The following ZC2HC1B variants were observed in gnomAD, a reference collection of about 807,000 sequenced individuals.
ZC2HC1B encodes the protein zinc finger C2HC-type containing 1B, also known as zinc finger C2HC domain-containing protein 1B.
Under a neutral mutation model 31.0 loss-of-function variants are expected in ZC2HC1B, and 36 were observed. The ratio of observed to expected loss-of-function variants is 1.16; its 90% CI spans 0.89 to 1.54. The LOEUF (loss-of-function observed/expected upper bound fraction) is 1.54, where lower values mean the gene tolerates loss of function less well. Ranked by LOEUF, ZC2HC1B falls within the 40% of genes most tolerant of loss-of-function variation. The pLI is 0.00. For synonymous variants in ZC2HC1B, 73 were observed against 88.0 expected (o/e 0.83, Z 0.95); for missense variants, 260 against 268.6 (o/e 0.97, Z 0.22).
rs528102297 is a variant in ZC2HC1B at position 143,870,914 on chromosome 6, G to T, written c.28+6347G>T. On this transcript the variant is annotated intron_variant, in intron 1 of 7. Coordinates refer to ENST00000237275, the MANE Select transcript of ZC2HC1B (RefSeq NM_001013623.3). This position sits in a 1 kb window ranked among gnomAD's most constrained non-coding sequence, Gnocchi z 4.7. ...TGGACCTGTTGTAGAGCCTTCTCCT[G>T]TTCTGGACCCCACTCAAAACTGGCA... 1.3e-5 allele frequency among the ~76,000 whole-genome samples: 2 copies of T among 152,146 alleles called. No homozygotes were observed. The highest frequency in any genetic ancestry group is 6.5e-5 in the Admixed American group (1 of 15,268).
At chr6:143,937,765 G>T (rs1288219758) in intron 7 of ZC2HC1B, 32 bp downstream of exon 7, 1 of 1,480,528 alleles carries the variant, frequency 6.8e-7, no homozygotes, top group South Asian at 1.3e-5. Flanking sequence ...TAATCCAGCT[G>T]TTGCTGACCA....
chr6:143,919,223 G>A (rs959360796), intron 6 of ZC2HC1B, among the ~76,000 whole-genome samples: 1 of 106,554 alleles, frequency 9.4e-6, no homozygotes, highest in Admixed American at 9.5e-5. Flanking sequence ...TTCTCTGTGT[G>A]TGTGTGTGTG....
chr6:143,921,865 T>A lies in ZC2HC1B; in HGVS notation c.599-15784T>A, dbSNP rs1777988493. 2.6e-5 allele frequency among the ~76,000 whole-genome samples: 4 copies of A among 152,182 alleles called. No homozygotes were observed. The highest frequency in any genetic ancestry group is 1.3e-4 in the Admixed American group (2 of 15,268). ...GAGGATTGCTTGAGTCCAGTACAAG[T>A]GTTCAAGGCTGCAATGAGCTATGAT... On this transcript the variant is annotated intron_variant, in intron 6 of 7. Transcript: ENST00000237275. This position sits in a 1 kb window ranked among gnomAD's most constrained non-coding sequence, Gnocchi z 6.1.
At chr6:143,928,514 A>G (rs1415321991) in intron 6 of ZC2HC1B, among the ~76,000 whole-genome samples, 1 of 151,990 alleles carries the variant, frequency 6.6e-6, no homozygotes, top group African/African-American at 2.4e-5. Flanking sequence ...ATTACTATAG[A>G]CTTATAGTAT....
chr6:143,913,978 G>A lies in ZC2HC1B; in HGVS notation c.598+10826G>A, dbSNP rs893668260. ...CTGTGGACCACAGCTGCTTCTAATC[G>A]GCCATCTTGGCCCCTCTCCCAATGG... is the stretch of plus-strand genomic sequence containing the variant. On this transcript the variant is annotated intron_variant, in intron 6 of 7. Transcript: ENST00000237275. The surrounding 1 kb of genome is among the most constrained non-coding windows in gnomAD (Gnocchi z 5.7). Among the ~76,000 whole-genome samples the A allele has an allele frequency of 9.2e-5, 14 of 152,052 alleles. No homozygotes were observed. Among genetic ancestry groups the A allele is most frequent in the Non-Finnish European group, 1.9e-4 (13 of 68,012 alleles).
chr6:143,906,447 T>G (rs567930184), intron 6 of ZC2HC1B, among the ~76,000 whole-genome samples: 60 of 152,208 alleles, frequency 3.9e-4, no homozygotes, highest in Non-Finnish European at 4.3e-4. Flanking sequence ...TTTTAATTTT[T>G]TTTTGTTTTG....
At position 143,917,552 on chromosome 6, in the gene ZC2HC1B, C is replaced by T. The variant is rs1405579349; in HGVS notation, c.598+14400C>T. Among the ~76,000 whole-genome samples the T allele has an allele frequency of 2.0e-5, 3 of 152,154 alleles. No individual in the cohort carries two copies. Among genetic ancestry groups the T allele is most frequent in the Non-Finnish European group, 4.4e-5 (3 of 68,016 alleles). On this transcript the variant is annotated intron_variant, in intron 6 of 7. Transcript: ENST00000237275. This position sits in a 1 kb window ranked among gnomAD's most constrained non-coding sequence, Gnocchi z 4.1. ...AACTGCTCCTTCAGCAATGTCTTTT[C>T]CACCCATTTTGTTATTGATGTCACA... is the stretch of plus-strand genomic sequence containing the variant.
chr6:143,913,438 C>T lies in ZC2HC1B; in HGVS notation c.598+10286C>T, dbSNP rs1000012741. ...GCAGGCTCCGCCCTGTTGCTGATGG[C>T]TTACTGGAATTCCAAGACAGTGGGT... On this transcript the variant is annotated intron_variant, in intron 6 of 7. Coordinates refer to ENST00000237275, the MANE Select transcript of ZC2HC1B (RefSeq NM_001013623.3). The surrounding 1 kb of genome is among the most constrained non-coding windows in gnomAD (Gnocchi z 5.7). 6.6e-6 allele frequency among the ~76,000 whole-genome samples: 1 copy of T among 152,226 alleles called. No homozygotes were observed. Among genetic ancestry groups the T allele is most frequent in the Non-Finnish European group, 1.5e-5 (1 of 68,040 alleles).
chr6:143,894,854 A>G (rs1322137808), intron 4 of ZC2HC1B, among the ~76,000 whole-genome samples: 1 of 152,218 alleles, frequency 6.6e-6, no homozygotes, highest in African/African-American at 2.4e-5. Flanking sequence ...TTTCTCTCAC[A>G]TTTTAGATCC....
At chr6:143,891,693 C>CAAA (rs61241733) in intron 4 of ZC2HC1B, among the ~76,000 whole-genome samples, 1 of 66,930 alleles carries the variant, frequency 1.5e-5, no homozygotes, top group African/African-American at 5.3e-5. Context: ...AACTCTGTCT[C>CAAA]AAAAAAAAAA....
intron 1 of ZC2HC1B, among the ~76,000 whole-genome samples, chr6:143,873,194 C>T (rs959935127): frequency 2.0e-5 from 3 of 152,190 alleles, no homozygotes. Flanking sequence ...AATGTGAAAT[C>T]CAGCAGGGCA....
At chr6:143,901,604 T>A (rs564530306) in intron 5 of ZC2HC1B, among the ~76,000 whole-genome samples, 3 of 152,156 alleles carry the variant, frequency 2.0e-5, no homozygotes, top group Middle Eastern at 6.8e-3. Context: ...CTTGGCCGAG[T>A]TACTTAAATT....
chr6:143,880,069 C>G lies in ZC2HC1B; in HGVS notation c.29-4235C>G, dbSNP rs373073566. Among the ~76,000 whole-genome samples the G allele has an allele frequency of 5.9e-5, 9 of 152,034 alleles. 1 individual carries two copies. The highest frequency in any genetic ancestry group is 5.8e-4 in the East Asian group (3 of 5,190). On this transcript the variant is annotated intron_variant, in intron 1 of 7. Transcript: ENST00000237275. ...ATTGAACTCCTGGGCTCAAGCAATC[C>G]TCTCACCTTAGCCTCCCAAATATGC...
rs1353596223 is a variant in ZC2HC1B at position 143,887,042 on chromosome 6, A to AT, written c.349+223dup. Among the ~76,000 whole-genome samples the AT allele has an allele frequency of 1.3e-5, 2 of 152,180 alleles. No homozygotes were observed. The highest frequency in any genetic ancestry group is 1.3e-4 in the Admixed American group (2 of 15,264). Reference sequence around the variant, plus strand: ...AACACCACTGTAGCTGTGCTGTAGTATTACATGACTCCAAGAAACACCAGA... The same window carrying AT: ...AACACCACTGTAGCTGTGCTGTAGTATTTACATGACTCCAAGAAACACCAGA... On this transcript the variant is annotated intron_variant, in intron 4 of 7. Coordinates refer to ENST00000237275, the MANE Select transcript of ZC2HC1B (RefSeq NM_001013623.3). The surrounding 1 kb of genome is among the most constrained non-coding windows in gnomAD (Gnocchi z 5.1).
At position 143,923,226 on chromosome 6, in the gene ZC2HC1B, T is replaced by C. The variant is rs1035631365; in HGVS notation, c.599-14423T>C. Among the ~76,000 whole-genome samples, 9 of 152,144 alleles carry C rather than the reference T, an allele frequency of 5.9e-5. No homozygotes were observed. Among genetic ancestry groups the C allele is most frequent in the Non-Finnish European group, 1.3e-4 (9 of 68,006 alleles). ...TTGAGAAATGCCTACTCAGATCCTT[T>C]GCCCACTTTTTCATGGGATTATTAG... On this transcript the variant is annotated intron_variant, in intron 6 of 7. Coordinates refer to ENST00000237275, the MANE Select transcript of ZC2HC1B (RefSeq NM_001013623.3). The surrounding 1 kb of genome is among the most constrained non-coding windows in gnomAD (Gnocchi z 4.8).
At position 143,872,899 on chromosome 6, in the gene ZC2HC1B, A is replaced by G. The variant is rs1315148160; in HGVS notation, c.28+8332A>G. Among the ~76,000 whole-genome samples the G allele has an allele frequency of 6.6e-6, 1 of 152,108 alleles. No homozygotes were observed. The highest frequency in any genetic ancestry group is 1.5e-5 in the Non-Finnish European group (1 of 68,016). ...ATTTGGGTAGGGACACAACCAAACC[A>G]TATCATTCTGCCCCTGGCCCCTGAA... On this transcript the variant is annotated intron_variant, in intron 1 of 7. Transcript: ENST00000237275. This position sits in a 1 kb window ranked among gnomAD's most constrained non-coding sequence, Gnocchi z 5.5.
chr6:143,893,907 T>G (rs973705883), intron 4 of ZC2HC1B, among the ~76,000 whole-genome samples: 1 of 152,054 alleles, frequency 6.6e-6, no homozygotes, highest in Admixed American at 6.5e-5. Context: ...AGGATGGTCT[T>G]GATCTCCTGA....
chr6:143,884,335 C>T lies in ZC2HC1B; in HGVS notation c.60C>T (p.Val20=). 6.5e-7 allele frequency: 1 copy of T among 1,533,794 alleles called. No homozygotes were observed. Among genetic ancestry groups the T allele is most frequent in the Non-Finnish European group, 8.8e-7 (1 of 1,133,796 alleles). ...ATCAGGAATTGTTTCCCTGTGAAGT[C>T]TGTGGAAGACGTTTTGCAGCAGATG... ...DGNQELFPCE[V]CGRRFAADVL... The change falls in exon 2 of 8, where the codon GTC becomes GTT. Residue 20 remains valine, a synonymous_variant. Coordinates refer to ENST00000237275, the MANE Select transcript of ZC2HC1B (RefSeq NM_001013623.3). This position sits in a 1 kb window ranked among gnomAD's most constrained non-coding sequence, Gnocchi z 5.1.
chr6:143,885,933 C>T lies in ZC2HC1B; in HGVS notation c.91-99C>T. ...AGAGAATGAACTAGGCTCTGAGGAG[C>T]AAACATAGTCCCTGGAGTGGGGGCT... On this transcript the variant is annotated intron_variant, in intron 2 of 7. Coordinates refer to ENST00000237275, the MANE Select transcript of ZC2HC1B (RefSeq NM_001013623.3). This position sits in a 1 kb window ranked among gnomAD's most constrained non-coding sequence, Gnocchi z 4.2. 7.5e-7 allele frequency: 1 copy of T among 1,332,758 alleles called. No individual in the cohort carries two copies. The highest frequency in any genetic ancestry group is 9.8e-7 in the Non-Finnish European group (1 of 1,024,450). The allele number at this position is 1,332,758 out of a possible 1,614,324, so 82.6% of individuals were successfully genotyped here. A position where few individuals can be genotyped will look rare whatever the true frequency, so the allele number is the denominator to read the frequency against.
Sources: allele counts gnomAD v4.1 joint callset (sites outside exome capture counted in the v4.1 genomes callset), GRCh38; gene constraint gnomAD v4.1.1; non-coding constraint Gnocchi (gnomAD v3.1); transcripts MANE v1.5; gene names NCBI Gene and HGNC (gene_info 2026-07-23, HGNC 2026-07-21).